Variants in ACOT12 observed in about 807,000 individuals in gnomAD.
ACOT12 encodes acyl-CoA thioesterase 12, also known as acetyl-coenzyme A thioesterase.
Under a neutral mutation model 67.7 loss-of-function variants are expected in ACOT12, and 51 were observed. The observed-to-expected ratio is 0.75, with a 90% confidence interval of 0.60 to 0.95. The LOEUF (loss-of-function observed/expected upper bound fraction) is 0.95. ACOT12 is among the 40% of genes least tolerant of loss of function. The pLI is 0.00. For synonymous variants in ACOT12, 251 were observed against 244.6 expected, an observed-to-expected ratio of 1.03 and a Z score of -0.24; for missense variants, 734 against 708.1, an observed-to-expected ratio of 1.04 and a Z score of -0.41.
At position 81,342,873 on chromosome 5, in the gene ACOT12, T is replaced by C; in HGVS notation, c.1045-118A>G. 3 of 1,040,116 alleles carry C rather than the reference T, an allele frequency of 2.9e-6. No homozygotes were observed. The South Asian group carries it at 4.3e-5, about 15-fold the overall frequency. The allele number at this position is 1,040,116 out of a possible 1,614,324, so 64.4% of individuals were successfully genotyped here. ...GGAGGTATGTGTTGAGTCCTAGTGA[T>C]AATGTTGAGTTTAGAACTAAACTAC... On this transcript the variant is annotated intron_variant, in intron 10 of 14. Coordinates refer to ENST00000307624, the MANE Select transcript of ACOT12 (RefSeq NM_130767.3).
rs757100654 is a variant in ACOT12, at chr5:81,363,902, AAAGAT to A, written c.259-18_259-14del. On this transcript the variant is annotated splice_polypyrimidine_tract_variant and intron_variant, in intron 3 of 14. Transcript: ENST00000307624. ...CCTTGATACTGATCTAAAATGAAAA[AAAGAT>A]AAATAAATACACTCTTGGCCAGTTC... is the stretch of plus-strand genomic sequence containing the variant. The A allele has an allele frequency of 1.3e-6, 2 of 1,547,888 alleles. No individual in the cohort carries two copies. Among genetic ancestry groups the A allele is most frequent in the Non-Finnish European group, 1.7e-6 (2 of 1,144,960 alleles).
At chr5:81,355,317 C>A (rs866284767) in intron 5 of ACOT12, among the ~76,000 whole-genome samples, 6 of 152,282 alleles carry the variant, frequency 3.9e-5, no homozygotes, top group African/African-American at 9.6e-5. Flanking sequence ...TACCTTGCTT[C>A]GGCAAGCTGA....
intron 11 of ACOT12, among the ~76,000 whole-genome samples, chr5:81,336,212 G>A (rs1278942368): frequency 1.3e-5 from 2 of 151,610 alleles, no homozygotes; most frequent in Admixed American, 6.6e-5. Flanking sequence ...GTCTCTTTGT[G>A]ATGTTTCCCT....
In ACOT12 at chr5:81,330,298, AT is replaced by A; in HGVS notation, c.*95del. The A allele has an allele frequency of 8.6e-6, 12 of 1,394,054 alleles. No individual in the cohort carries two copies. The highest frequency in any genetic ancestry group is 1.1e-5 in the Non-Finnish European group (11 of 1,038,282). The allele number at this position is 1,394,054 out of a possible 1,614,324, so 86.4% of individuals were successfully genotyped here. A position where few individuals can be genotyped will look rare whatever the true frequency, so the allele number is the denominator to read the frequency against. On this transcript the variant is annotated 3_prime_UTR_variant, in exon 15 of 15. Transcript: ENST00000307624. Reference sequence around the variant, plus strand: ...TGCATTTTGCTTAGGGTTATATTAAATTATTTTGTGGCCCCAAAGCTTGACA... The same window carrying A: ...TGCATTTTGCTTAGGGTTATATTAAATATTTTGTGGCCCCAAAGCTTGACA...
At chr5:81,316,661 G>A in the ACOT12 span, among the ~76,000 whole-genome samples, 3 of 152,136 alleles carry the variant, frequency 2.0e-5, no homozygotes, top group African/African-American at 4.8e-5. Flanking sequence ...TATACCATTC[G>A]ATAATCTAAT....
At chr5:81,355,150 T>C (rs1759672181) in intron 5 of ACOT12, among the ~76,000 whole-genome samples, 1 of 152,200 alleles carries the variant, frequency 6.6e-6, no homozygotes, top group Non-Finnish European at 1.5e-5. Flanking sequence ...TTGGCTCTAA[T>C]TCCTCCTGTG....
At position 81,335,075 on chromosome 5, in the gene ACOT12, T is replaced by G. The variant is rs144381532; in HGVS notation, c.1262+693A>C. The stretch of plus-strand genomic sequence containing the variant: ...AAATATTGAGAGTATGCAGGACAAT[T>G]GGATAATCACTTCCTCAAGAGCAAT... On this transcript the variant is annotated intron_variant, in intron 12 of 14. Coordinates refer to ENST00000307624, the MANE Select transcript of ACOT12 (RefSeq NM_130767.3). Among the ~76,000 whole-genome samples the G allele has an allele frequency of 1.8e-3, 277 of 152,274 alleles. 2 individuals carry two copies. The highest frequency in any genetic ancestry group is 6.4e-3 in the African/African-American group (264 of 41,556).
intron 3 of ACOT12, among the ~76,000 whole-genome samples, chr5:81,370,143 A>G (rs535922470): frequency 5.3e-4 from 80 of 152,194 alleles, no homozygotes; most frequent in African/African-American, 1.8e-3. Flanking sequence ...TAGTGGTGGC[A>G]TGCACCTGTA....
intron 2 of ACOT12, among the ~76,000 whole-genome samples, chr5:81,377,807 C>A (rs1488809725): frequency 1.3e-5 from 2 of 152,162 alleles, no homozygotes; most frequent in African/African-American, 2.4e-5. Context: ...TCAAGGAGAA[C>A]AACAAACCAC....
intron 1 of ACOT12, among the ~76,000 whole-genome samples, chr5:81,387,063 T>A (rs931515262): frequency 1.4e-5 from 2 of 145,358 alleles, no homozygotes; most frequent in African/African-American, 5.1e-5. Context: ...TGGAGTGCAA[T>A]GGTGTGATCT....
At chr5:81,358,598 C>G (rs1759798240) in intron 5 of ACOT12, among the ~76,000 whole-genome samples, 1 of 152,148 alleles carries the variant, frequency 6.6e-6, no homozygotes, top group South Asian at 2.1e-4. Flanking sequence ...GCCTGTAATC[C>G]CAGCACTTTG....
chr5:81,343,788 T>C (rs1759281125), intron 10 of ACOT12, 30 bp downstream of exon 10: 1 of 1,607,852 alleles, frequency 6.2e-7, no homozygotes, highest in East Asian at 2.2e-5. Flanking sequence ...GAGACTTTTA[T>C]ATGAAGAGCT....
chr5:81,359,789 A>G, intron 5 of ACOT12, 114 bp downstream of exon 5: 4 of 1,149,982 alleles, frequency 3.5e-6, no homozygotes, highest in Non-Finnish European at 4.8e-6. Flanking sequence ...AAGGATACCT[A>G]GTGTCACCAG....
intron 1 of ACOT12, 55 bp from the exon 2 acceptor site, chr5:81,385,881 G>T: frequency 6.6e-7 from 1 of 1,515,572 alleles, no homozygotes; most frequent in Non-Finnish European, 9.1e-7. Flanking sequence ...GAATATTTCA[G>T]TATAAGGGAA....
chr5:81,340,818 T>C (rs902095151), intron 11 of ACOT12, among the ~76,000 whole-genome samples: 1 of 152,220 alleles, frequency 6.6e-6, no homozygotes, highest in African/African-American at 2.4e-5. Flanking sequence ...TTTTATCAGA[T>C]TTTTAAAATC....
At chr5:81,308,914 G>A in the ACOT12 span, 141,585 of 1,574,838 alleles carry the variant, frequency 0.09, 6,859 homozygotes, top group Middle Eastern at 0.13. Context: ...CATATGTATT[G>A]TCAACTGAAT....
At chr5:81,354,737 T>C (rs1195159444) in intron 5 of ACOT12, among the ~76,000 whole-genome samples, 1 of 151,896 alleles carries the variant, frequency 6.6e-6, no homozygotes, top group Non-Finnish European at 1.5e-5. Context: ...AGAATCTGGC[T>C]CTGTGGCCTA....
intron 2 of ACOT12, among the ~76,000 whole-genome samples, chr5:81,382,144 C>T (rs1760601157): frequency 6.6e-6 from 1 of 151,894 alleles, no homozygotes; most frequent in Admixed American, 6.6e-5. Context: ...TTAAGTAAAA[C>T]CATATAACCC....
chr5:81,343,315 T>C (rs1759264851), intron 10 of ACOT12, among the ~76,000 whole-genome samples: 2 of 152,188 alleles, frequency 1.3e-5, no homozygotes. Context: ...TAATTCAGAA[T>C]TCAGACAAAG....
Sources: gnomAD v4.1 joint callset for allele counts (sites outside exome capture counted in the v4.1 genomes callset) on GRCh38, gnomAD v4.1.1 for gene constraint, MANE v1.5 for transcripts, NCBI Gene and HGNC (gene_info 2026-07-23, HGNC 2026-07-21) for gene names.